Variants in PTPRF observed in about 807,000 individuals in gnomAD.
The protein encoded by PTPRF is receptor-type tyrosine-protein phosphatase F.
PTPRF carries 59 observed loss-of-function variants against 201.8 expected under a neutral mutation model. The ratio of observed to expected loss-of-function variants is 0.29; its 90% confidence interval spans 0.24 to 0.36. The LOEUF (loss-of-function observed/expected upper bound fraction) is 0.36. PTPRF is among the 10% of genes least tolerant of loss of function. The pLI is 1.00. For synonymous variants in PTPRF, 1,088 were observed against 1,089.7 expected (o/e 1.00, Z 0.03); for missense variants, 2,132 against 2,690.5 (o/e 0.79, Z 4.59).
intron 11 of PTPRF, among the ~76,000 whole-genome samples, chr1:43,593,417 G>C (rs1296214439): frequency 6.6e-6 from 1 of 151,756 alleles, no homozygotes; most frequent in African/African-American, 2.4e-5. Flanking sequence ...ACAGTAGACT[G>C]TGTGTGTGTG....
chr1:43,612,267 G>T (rs1237115855), intron 22 of PTPRF, among the ~76,000 whole-genome samples: 1 of 152,170 alleles, frequency 6.6e-6, no homozygotes, highest in Non-Finnish European at 1.5e-5. Context: ...GTTGCAGTGA[G>T]CAGCGTGGCA....
intron 8 of PTPRF, among the ~76,000 whole-genome samples, 158 bp downstream of exon 8, chr1:43,589,158 G>A (rs1649955841): frequency 6.6e-6 from 1 of 152,086 alleles, no homozygotes; most frequent in Non-Finnish European, 1.5e-5. Context: ...CCCTTAGAGG[G>A]AGGGAGGGAT....
chr1:43,585,623 G>T (rs982917594), intron 7 of PTPRF, among the ~76,000 whole-genome samples: 2 of 152,162 alleles, frequency 1.3e-5, no homozygotes, highest in Admixed American at 6.5e-5. Context: ...TCTGTGAAGC[G>T]CCTCAATTTC....
In PTPRF at chr1:43,575,961, C is replaced by T. The variant is rs577078083; in HGVS notation, c.569-2849C>T. On this transcript the variant is annotated intron_variant, in intron 6 of 33. Transcript: ENST00000359947. Reference sequence around the variant, plus strand: ...GCTGTCCGTGCCTCTCGCCACACCACGCCTTGCCACTGCCGTCACCTCCAC... The same window carrying T: ...GCTGTCCGTGCCTCTCGCCACACCATGCCTTGCCACTGCCGTCACCTCCAC... 1.1e-5 allele frequency: 15 copies of T among 1,363,870 alleles called. No individual in the cohort carries two copies. In the East Asian group the frequency reaches 5.0e-4, roughly 46 times the overall value. The allele number at this position is 1,363,870 out of a possible 1,614,324, so 84.5% of individuals were successfully genotyped here. A position where few individuals can be genotyped will look rare whatever the true frequency, so the allele number is the denominator to read the frequency against.
Position 43,620,854 on chromosome 1 carries a change from C to T in PTPRF, c.5381C>T (p.Thr1794Ile). ...VTDARDGQSR[T>I]IRQFQFTDWP... ...CTTTCCCAGGATGGGCAGTCAAGGA[C>T]AATCCGGCAGTTCCAGTTCACAGAC... Residue 1794 changes from threonine (T) to isoleucine (I), a missense_variant, in exon 32 of 34, where the codon ACA becomes ATA. By Grantham distance (89) the Thr-to-Ile change is moderately conservative. Around this residue, in one of 6 missense-constraint regions of PTPRF, gnomAD observed 519 missense variants for 659.5 expected, o/e 0.79. Coordinates refer to ENST00000359947, the MANE Select transcript of PTPRF (RefSeq NM_002840.5). The T allele has an allele frequency of 6.2e-7, 1 of 1,612,568 alleles. No individual in the cohort carries two copies. The highest frequency in any genetic ancestry group is 8.5e-7 in the Non-Finnish European group (1 of 1,179,106).
upstream of PTPRF, among the ~76,000 whole-genome samples, chr1:43,529,451 C>A (rs1230414956): frequency 6.6e-6 from 1 of 152,222 alleles, no homozygotes; most frequent in Non-Finnish European, 1.5e-5. Flanking sequence ...TGAATCCAGG[C>A]ACCTCAACGA....
chr1:43,607,706 C>G (rs114553285), intron 21 of PTPRF, among the ~76,000 whole-genome samples: 22 of 152,260 alleles, frequency 1.4e-4, no homozygotes, highest in African/African-American at 5.1e-4. Context: ...CCTGACATTG[C>G]GACACTGAAC....
rs572088927 is a variant in PTPRF at position 43,580,632 on chromosome 1, C to G, written c.679+1712C>G. Among the ~76,000 whole-genome samples, 7 of 152,344 alleles carry G rather than the reference C, an allele frequency of 4.6e-5. No individual in the cohort carries two copies. The South Asian group carries it at 1.4e-3, about 32-fold the overall frequency. ...GCACAGCCTTGGCCCCACCCTGCCC[C>G]AGGCAGAGTGTCTGGCAGGCATTGG... On this transcript the variant is annotated intron_variant, in intron 7 of 33. Transcript: ENST00000359947.
At chr1:43,612,658 G>A (rs915462913) in intron 22 of PTPRF, 21 of 966,968 alleles carry the variant, frequency 2.2e-5, no homozygotes, top group East Asian at 6.0e-5. Flanking sequence ...TCGCAAGCCC[G>A]CTCGGCACCT....
chr1:43,523,904 G>GA (rs547633836), upstream of PTPRF, among the ~76,000 whole-genome samples: 5 of 149,484 alleles, frequency 3.3e-5, no homozygotes, highest in Non-Finnish European at 5.9e-5. Flanking sequence ...AAAAAAAAAG[G>GA]AAAAAAAAAT....
At chr1:43,605,135 C>A in intron 17 of PTPRF, 55 bp from the exon 18 acceptor site, 1 of 1,574,958 alleles carries the variant, frequency 6.3e-7, no homozygotes, top group Non-Finnish European at 8.7e-7. Flanking sequence ...TGCCTTGCAG[C>A]CCGTGGTAGG....
At chr1:43,540,943 C>T (rs1294813708) in intron 2 of PTPRF, among the ~76,000 whole-genome samples, 1 of 152,256 alleles carries the variant, frequency 6.6e-6, no homozygotes, top group East Asian at 1.9e-4. Context: ...GGCCTGTTTC[C>T]GCCTCCGCGG....
At chr1:43,613,432 C>T (rs1159002945) in intron 22 of PTPRF, 186 bp from the exon 23 acceptor site, 7 of 603,614 alleles carry the variant, frequency 1.2e-5, no homozygotes, top group Non-Finnish European at 1.2e-5. Flanking sequence ...GGCACAACAC[C>T]GCCCTCTGTC....
chr1:43,573,053 G>A (rs1203296482), intron 6 of PTPRF, among the ~76,000 whole-genome samples: 2 of 152,134 alleles, frequency 1.3e-5, no homozygotes, highest in East Asian at 1.9e-4. Flanking sequence ...GTAGGAGCTG[G>A]ACAGGAGGTA....
At chr1:43,548,151 G>T (rs1644799362) in intron 3 of PTPRF, among the ~76,000 whole-genome samples, 1 of 141,208 alleles carries the variant, frequency 7.1e-6, no homozygotes, top group African/African-American at 2.5e-5. Context: ...GTGGGGTTGC[G>T]GGGAAGAAGC....
chr1:43,578,707 C>T (rs1368261637), intron 6 of PTPRF, 103 bp from the exon 7 acceptor site: 1 of 858,924 alleles, frequency 1.2e-6, no homozygotes, highest in African/African-American at 1.7e-5. Flanking sequence ...TGAGCTTCGA[C>T]ATCTGGTCAA....
chr1:43,566,408 C>T (rs185061546), intron 5 of PTPRF, among the ~76,000 whole-genome samples: 9 of 152,352 alleles, frequency 5.9e-5, no homozygotes, highest in Admixed American at 4.6e-4. Flanking sequence ...GTCCCTCATA[C>T]CTGGGTCTCA....
At chr1:43,561,991 A>G (rs1048993425) in intron 5 of PTPRF, among the ~76,000 whole-genome samples, 19 of 152,318 alleles carry the variant, frequency 1.2e-4, no homozygotes, top group African/African-American at 4.1e-4. Context: ...GGTGGAGCCA[A>G]TGGCTCTGGG....
chr1:43,605,813 C>A (rs1054260855), intron 19 of PTPRF, among the ~76,000 whole-genome samples, 191 bp downstream of exon 19: 1 of 152,188 alleles, frequency 6.6e-6, no homozygotes, highest in African/African-American at 2.4e-5. Context: ...CACAGAACTC[C>A]CGGAGGGCTT....
Sources: gnomAD v4.1 joint callset for allele counts (sites outside exome capture counted in the v4.1 genomes callset) on GRCh38, gnomAD v4.1.1 for gene constraint, gnomAD v4.1.1 regional missense constraint, MANE v1.5 for transcripts, NCBI Gene and HGNC (gene_info 2026-07-23, HGNC 2026-07-21) for gene names.